Variants in SPTBN1 observed in about 807,000 individuals in gnomAD.
SPTBN1 encodes the protein spectrin beta chain, non-erythrocytic 1.
A neutral mutation model predicts 266.4 loss-of-function variants in SPTBN1; 32 were observed. That is an observed-to-expected ratio of 0.12 (90% CI 0.09 to 0.16). The LOEUF (loss-of-function observed/expected upper bound fraction) is 0.16, where lower values mean the gene tolerates loss of function less well. SPTBN1 is among the 10% of genes least tolerant of loss of function. The pLI is 1.00. For synonymous variants in SPTBN1, 1,336 were observed against 1,162.2 expected (o/e 1.15, Z -3.04); for missense variants, 2,296 against 3,067.1 (o/e 0.75, Z 5.94).
chr2:54,597,941 T>G (rs1180182608), intron 2 of SPTBN1, among the ~76,000 whole-genome samples: 1 of 143,222 alleles, frequency 7.0e-6, no homozygotes, highest in East Asian at 2.1e-4. Context: ...TAGGAGTAGG[T>G]CTTAGATTTT....
chr2:54,528,292 C>G (rs977700535), intron 2 of SPTBN1: 1 of 152,568 alleles, frequency 6.6e-6, no homozygotes, highest in Non-Finnish European at 1.5e-5. Flanking sequence ...TGTATTATCT[C>G]CTTTCTAAAG....
intron 2 of SPTBN1, among the ~76,000 whole-genome samples, chr2:54,585,508 A>G (rs953078894): frequency 6.6e-6 from 1 of 152,250 alleles, no homozygotes; most frequent in South Asian, 2.1e-4. Flanking sequence ...TTTGAAAGAA[A>G]TCTTGTATAA....
intron 1 of SPTBN1, among the ~76,000 whole-genome samples, chr2:54,490,380 A>T (rs921231865): frequency 2.6e-5 from 4 of 152,142 alleles, no homozygotes; most frequent in Admixed American, 2.6e-4. Context: ...CCTGTTTATG[A>T]AGATTTTATA....
rs560532997 is a variant in SPTBN1 at position 54,660,821 on chromosome 2, C to T, written c.6420+822C>T. 8 of 985,446 alleles carry T rather than the reference C, an allele frequency of 8.1e-6. No homozygotes were observed. In the African/African-American group the frequency reaches 1.2e-4, roughly 15 times the overall value. The allele number at this position is 985,446 out of a possible 1,614,324, so 61.0% of individuals were successfully genotyped here. On this transcript the variant is annotated intron_variant, in intron 32 of 35. Coordinates refer to ENST00000356805, the MANE Select transcript of SPTBN1 (RefSeq NM_003128.3). ...CGCTGACTGCTGCCGCCACCTCTGT[C>T]TCGCTCCCTGTCAGTGCTGCTGGCA...
rs182865403 is a variant in SPTBN1 at position 54,670,923 on chromosome 2, C to G, written c.*2354C>G. ...ACAGGCCGCACAGCCTGATGAGCTT[C>G]AAGCCTGGCAGGGTAAATAGTTTTT... On this transcript the variant is annotated 3_prime_UTR_variant, in exon 36 of 36. Coordinates refer to ENST00000356805, the MANE Select transcript of SPTBN1 (RefSeq NM_003128.3). The G allele has an allele frequency of 2.5e-6, 1 of 397,740 alleles. No individual in the cohort carries two copies. Among genetic ancestry groups the G allele is most frequent in the Admixed American group, 4.4e-5 (1 of 22,716 alleles). The allele number at this position is 397,740 out of a possible 1,614,324, so 24.6% of individuals were successfully genotyped here. A position where few individuals can be genotyped will look rare whatever the true frequency, so the allele number is the denominator to read the frequency against.
Position 54,623,615 on chromosome 2 carries a change from C to G in SPTBN1, c.1182+19C>G. 1 of 1,595,238 alleles carries G rather than the reference C, an allele frequency of 6.3e-7. No individual in the cohort carries two copies. Among genetic ancestry groups the G allele is most frequent in the South Asian group, 1.1e-5 (1 of 90,214 alleles). Reference sequence around the variant, plus strand: ...CAACAAGGTAAAGTGGATCTGGACTCTGCATGGGCCCTGACCTCCTGGAGG... The same window carrying G: ...CAACAAGGTAAAGTGGATCTGGACTGTGCATGGGCCCTGACCTCCTGGAGG... On this transcript the variant is annotated intron_variant, in intron 10 of 35. Coordinates refer to ENST00000356805, the MANE Select transcript of SPTBN1 (RefSeq NM_003128.3).
chr2:54,461,176 G>A (rs1395942758), intron 1 of SPTBN1, among the ~76,000 whole-genome samples: 1 of 152,166 alleles, frequency 6.6e-6, no homozygotes, highest in East Asian at 1.9e-4. Context: ...AATCTTGATT[G>A]TGTATGATTT....
chr2:54,487,563 C>T (rs1668465315), intron 1 of SPTBN1, among the ~76,000 whole-genome samples: 1 of 152,128 alleles, frequency 6.6e-6, no homozygotes. Flanking sequence ...CATGTGTTCA[C>T]AAAGCTGCAT....
At chr2:54,634,933 G>C (rs527753997) in intron 17 of SPTBN1, among the ~76,000 whole-genome samples, 1 of 152,294 alleles carries the variant, frequency 6.6e-6, no homozygotes, top group African/African-American at 2.4e-5. Flanking sequence ...TCCTGACCAA[G>C]AGGGAAATTC....
At position 54,648,107 on chromosome 2, in the gene SPTBN1, G is replaced by A. The variant is rs61281675; in HGVS notation, c.4997+846G>A. 7.1e-3 allele frequency among the ~76,000 whole-genome samples: 1,076 copies of A among 152,282 alleles called. 15 individuals carry two copies. The highest frequency in any genetic ancestry group is 0.024 in the African/African-American group (986 of 41,550). ...GAGGTGAGTGTGTGGTACTCATCAG[G>A]CCCCTGTATTAACTTCCAAAGCAGT... On this transcript the variant is annotated intron_variant, in intron 24 of 35. Transcript: ENST00000356805.
At chr2:54,647,576 C>A (rs1352588544) in intron 24 of SPTBN1, among the ~76,000 whole-genome samples, 1 of 152,192 alleles carries the variant, frequency 6.6e-6, no homozygotes, top group Non-Finnish European at 1.5e-5. Flanking sequence ...AAGTGGCTTA[C>A]ACTTGTAATC....
rs201443812 is a variant in SPTBN1, at chr2:54,668,387, G to T, written c.6913G>T (p.Ala2305Ser). 1 of 1,613,988 alleles carries T rather than the reference G, an allele frequency of 6.2e-7. No individual in the cohort carries two copies. The highest frequency in any genetic ancestry group is 1.1e-5 in the South Asian group (1 of 91,074). Reference sequence around the variant, plus strand: ...CACATGGATCCAGGCTATCTCTTCCGCCATCTCCTCTGATAAACACGAGGT... The same window carrying T: ...CACATGGATCCAGGCTATCTCTTCCTCCATCTCCTCTGATAAACACGAGGT... ...MNTWIQAISS[A>S]ISSDKHEVSA... Residue 2305 changes from alanine to serine, a missense_variant, in exon 36 of 36, where the codon GCC (alanine) becomes TCC (serine). Coordinates refer to ENST00000356805, the MANE Select transcript of SPTBN1 (RefSeq NM_003128.3).
rs375508207 is a variant in SPTBN1 at position 54,528,964 on chromosome 2, C to G, written c.148+2398C>G. Among the ~76,000 whole-genome samples the G allele has an allele frequency of 4.6e-5, 7 of 152,306 alleles. No individual in the cohort carries two copies. In the East Asian group the frequency reaches 1.2e-3, roughly 25 times the overall value. On this transcript the variant is annotated intron_variant, in intron 2 of 35. Coordinates refer to ENST00000356805, the MANE Select transcript of SPTBN1 (RefSeq NM_003128.3). ...TAATGAAGGAAATTATCTTATCCTACTTATTATTTTACTTCCTTATTCTGT... is the reference window on the plus strand; with the variant it reads ...TAATGAAGGAAATTATCTTATCCTAGTTATTATTTTACTTCCTTATTCTGT...
At chr2:54,642,925 C>A (rs189693949) in intron 18 of SPTBN1, 58 bp from the exon 19 acceptor site, 2 of 1,574,184 alleles carry the variant, frequency 1.3e-6, no homozygotes, top group East Asian at 2.3e-5. Context: ...CCTTTCCAGG[C>A]GGAAAAAAGG....
intron 2 of SPTBN1, among the ~76,000 whole-genome samples, chr2:54,573,901 A>AG (rs142636021): frequency 6.8e-6 from 1 of 146,644 alleles, no homozygotes; most frequent in African/African-American, 2.7e-5. Context: ...TATTTATGGG[A>AG]GGGGGGTGCT....
At chr2:54,565,237 G>A (rs1673586969) in intron 2 of SPTBN1, among the ~76,000 whole-genome samples, 1 of 152,196 alleles carries the variant, frequency 6.6e-6, no homozygotes, top group Non-Finnish European at 1.5e-5. Flanking sequence ...TGGTGGGGAT[G>A]GAGAAGCAGA....
intron 2 of SPTBN1, among the ~76,000 whole-genome samples, chr2:54,576,292 G>T (rs1375944499): frequency 1.3e-5 from 2 of 151,996 alleles, no homozygotes; most frequent in Non-Finnish European, 2.9e-5. Flanking sequence ...AACCTCAGGT[G>T]ATCCACCCAC....
chr2:54,659,926 T>C lies in SPTBN1; in HGVS notation c.6357-10T>C, dbSNP rs1235113043. 6.2e-7 allele frequency: 1 copy of C among 1,613,410 alleles called. No individual in the cohort carries two copies. The highest frequency in any genetic ancestry group is 2.2e-5 in the East Asian group (1 of 44,878). ...CTTTCCCTTCCTCCTTTTCCCCTCT[T>C]CCCTAACAGGGATACTTCAAAAGGA... On this transcript the variant is annotated splice_polypyrimidine_tract_variant and intron_variant, in intron 31 of 35. Transcript: ENST00000356805.
At chr2:54,668,300 C>G in intron 35 of SPTBN1, 51 bp from the exon 36 acceptor site, 1 of 1,581,748 alleles carries the variant, frequency 6.3e-7, no homozygotes, top group South Asian at 1.1e-5. Flanking sequence ...AGCCAGAACC[C>G]CTCATGCCTA....
Sources: gnomAD v4.1 joint callset for allele counts (sites outside exome capture counted in the v4.1 genomes callset) on GRCh38, gnomAD v4.1.1 for gene constraint, MANE v1.5 for transcripts, NCBI Gene and HGNC (gene_info 2026-07-23, HGNC 2026-07-21) for gene names.